Variants in IFNL1 observed in about 807,000 individuals in gnomAD.
IFNL1 encodes the protein interferon lambda-1.
A neutral mutation model predicts 17.1 loss-of-function variants in IFNL1; 16 were observed. The observed-to-expected ratio is 0.93, with a 90% CI of 0.63 to 1.42. The LOEUF (loss-of-function observed/expected upper bound fraction) is 1.42, where lower values mean the gene tolerates loss of function less well. IFNL1 is among the 40% of genes most tolerant of loss of function. IFNL1 has a pLI of 0.00. For missense variants in IFNL1, 262 were observed against 249.4 expected, an observed-to-expected ratio of 1.05 and a Z score of -0.34; for synonymous variants, 104 against 111.4, an observed-to-expected ratio of 0.93 and a Z score of 0.42.
At position 39,297,876 on chromosome 19, in the gene IFNL1, C is replaced by T. The variant is rs571122541; in HGVS notation, c.250-88C>T. 1.0e-4 allele frequency: 157 copies of T among 1,535,454 alleles called. 2 individuals carry two copies. Among genetic ancestry groups the T allele is most frequent in the South Asian group, 2.0e-4 (17 of 85,286 alleles). On this transcript the variant is annotated intron_variant, in intron 2 of 4. Coordinates refer to ENST00000333625, the MANE Select transcript of IFNL1 (RefSeq NM_172140.2). ...GTCCCCACCACATGCACTGTGTCAC[C>T]GACCTTCCCCAGGACTGCCTACCTG...
chr19:39,298,499 C>T lies in IFNL1; in HGVS notation c.586C>T (p.His196Tyr). ...GAACCTGTGTCTGAGAACGTCAACC[C>T]ACCCTGAGTCCACCTGACACCCCAC... ...DGNLCLRTSTHPEST is the reference protein window; with the variant it reads ...DGNLCLRTSTYPEST Residue 196 changes from histidine (H) to tyrosine (Y), a missense_variant, in exon 5 of 5, where the codon CAC becomes TAC. Coordinates refer to ENST00000333625, the MANE Select transcript of IFNL1 (RefSeq NM_172140.2). The T allele has an allele frequency of 6.2e-7, 1 of 1,614,234 alleles. No homozygotes were observed. The highest frequency in any genetic ancestry group is 2.2e-5 in the East Asian group (1 of 44,884).
rs766334865 is a variant in IFNL1, at chr19:39,298,121, G to T, written c.393+14G>T. The T allele has an allele frequency of 6.2e-7, 1 of 1,612,530 alleles. No individual in the cohort carries two copies. Among genetic ancestry groups the T allele is most frequent in the Non-Finnish European group, 8.5e-7 (1 of 1,178,952 alleles). On this transcript the variant is annotated intron_variant, in intron 3 of 4. Coordinates refer to ENST00000333625, the MANE Select transcript of IFNL1 (RefSeq NM_172140.2). ...CTCCAGGCCTGTGTGAGTCCTTGGG[G>T]CCCGGGCACCCAGGTCTGTGGGCTC...
At chr19:39,296,951 T>G in intron 2 of IFNL1, 69 bp downstream of exon 2, 1 of 1,162,618 alleles carries the variant, frequency 8.6e-7, no homozygotes, top group African/African-American at 1.5e-5. Flanking sequence ...AGTGGCCCCT[T>G]AGCCTTCTTT....
chr19:39,296,610 T>A lies in IFNL1; in HGVS notation c.171+18T>A. 3.1e-6 allele frequency: 5 copies of A among 1,603,340 alleles called. No homozygotes were observed. The highest frequency in any genetic ancestry group is 4.3e-6 in the Non-Finnish European group (5 of 1,174,818). On this transcript the variant is annotated intron_variant, in intron 1 of 4. Coordinates refer to ENST00000333625, the MANE Select transcript of IFNL1 (RefSeq NM_172140.2). ...ACGCCTTGGTGAGTTCCTGTTGCTG[T>A]GGATGAACCACTTCTACGGGTGTCC...
rs376573911 is a variant in IFNL1, at chr19:39,296,786, C to T, written c.172-19C>T. The stretch of plus-strand genomic sequence containing the variant: ...TCCAGCCATCCTGCTGTGGGCTAAC[C>T]CCTGCCCTTGCTCTCTAGGAAGAGT... On this transcript the variant is annotated intron_variant, in intron 1 of 4. Coordinates refer to ENST00000333625, the MANE Select transcript of IFNL1 (RefSeq NM_172140.2). 1.9e-6 allele frequency: 3 copies of T among 1,609,626 alleles called. No homozygotes were observed. The highest frequency in any genetic ancestry group is 2.2e-5 in the East Asian group (1 of 44,856).
In IFNL1 at chr19:39,296,610, T is replaced by G. The variant is rs373233011; in HGVS notation, c.171+18T>G. ...ACGCCTTGGTGAGTTCCTGTTGCTG[T>G]GGATGAACCACTTCTACGGGTGTCC... is the stretch of plus-strand genomic sequence containing the variant. On this transcript the variant is annotated intron_variant, in intron 1 of 4. Transcript: ENST00000333625. 747 of 1,603,220 alleles carry G rather than the reference T, an allele frequency of 4.7e-4. No individual in the cohort carries two copies. The highest frequency in any genetic ancestry group is 6.2e-4 in the Non-Finnish European group (726 of 1,174,824).
chr19:39,296,834 T>A lies in IFNL1; in HGVS notation c.201T>A (p.Ser67Arg). 6.2e-7 allele frequency: 1 copy of A among 1,613,718 alleles called. No homozygotes were observed. ...LEESLKLKNW[S>R]CSSPVFPGNW... ...AGTCACTCAAGCTGAAAAACTGGAG[T>A]TGCAGCTCTCCTGTCTTCCCCGGGA... Residue 67 changes from serine to arginine, a missense_variant, in exon 2 of 5, where the codon AGT (serine) becomes AGA (arginine). Coordinates refer to ENST00000333625, the MANE Select transcript of IFNL1 (RefSeq NM_172140.2).
rs762350713 is a variant in IFNL1 at position 39,296,587 on chromosome 19, G to A, written c.166G>A (p.Ala56Thr). ...ELASFKKARDALEESLKLKNW... is the reference protein window; with the variant it reads ...ELASFKKARDTLEESLKLKNW... ...AGCGAGCTTCAAGAAGGCCAGGGACGCCTTGGTGAGTTCCTGTTGCTGTGG... is the reference window on the plus strand; with the variant it reads ...AGCGAGCTTCAAGAAGGCCAGGGACACCTTGGTGAGTTCCTGTTGCTGTGG... Residue 56 changes from alanine (A) to threonine (T), a missense_variant, in exon 1 of 5, where the codon GCC becomes ACC. By Grantham distance (58) the Ala-to-Thr change is moderately conservative. Transcript: ENST00000333625. 44 of 1,609,092 alleles carry A rather than the reference G, an allele frequency of 2.7e-5. 1 individual carries two copies. In the Middle Eastern group the frequency reaches 5.0e-4, roughly 18 times the overall value.
chr19:39,296,967 C>T (rs2075101355), intron 2 of IFNL1, 85 bp downstream of exon 2: 1 of 998,294 alleles, frequency 1.0e-6, no homozygotes, highest in Non-Finnish European at 1.6e-6. Flanking sequence ...TCTTTGTTTC[C>T]CTTGTCCTTC....
At chr19:39,297,310 C>CTTTTTTTT (rs59725017) in intron 2 of IFNL1, among the ~76,000 whole-genome samples, 2 of 93,014 alleles carry the variant, frequency 2.2e-5, no homozygotes, top group African/African-American at 5.3e-5. Context: ...CCACCCTTCT[C>CTTTTTTTT]TTTTTTTTTT....
In IFNL1 at chr19:39,298,092, C is replaced by T; in HGVS notation, c.378C>T (p.Ser126=). 1 of 1,614,086 alleles carries T rather than the reference C, an allele frequency of 6.2e-7. No homozygotes were observed. Among genetic ancestry groups the T allele is most frequent in the Non-Finnish European group, 8.5e-7 (1 of 1,179,972 alleles). The change falls in exon 3 of 5, where the codon TCC becomes TCT. Residue 126 remains serine (S), a synonymous_variant. Transcript: ENST00000333625. The part of the protein sequence containing the change: ...QPLHTLHHIL[S]QLQACIQPQP... ...TTCACACCCTGCACCACATCCTCTC[C>T]CAGCTCCAGGCCTGTGTGAGTCCTT...
intron 2 of IFNL1, among the ~76,000 whole-genome samples, chr19:39,297,595 C>T (rs1283023403): frequency 6.6e-6 from 1 of 152,134 alleles, no homozygotes; most frequent in Non-Finnish European, 1.5e-5. Flanking sequence ...GCTGGGATTA[C>T]AGGCGTGAGC....
In IFNL1 at chr19:39,298,627, G is replaced by C. The variant is rs1170135377; in HGVS notation, c.*111G>C. 2.2e-5 allele frequency: 29 copies of C among 1,339,824 alleles called. No individual in the cohort carries two copies. The highest frequency in any genetic ancestry group is 2.9e-5 in the Non-Finnish European group (28 of 963,162). 83.0% of individuals were successfully genotyped at this position (1,339,824 alleles called of 1,614,324 possible). ...ACTGAGACATAGGGCTGAGTTTATT[G>C]TTTTACTTTTATACATTATGCACAA... On this transcript the variant is annotated 3_prime_UTR_variant, in exon 5 of 5. Transcript: ENST00000333625.
chr19:39,298,655 AAAC>A lies in IFNL1; in HGVS notation c.*145_*147del, dbSNP rs2075108488. On this transcript the variant is annotated 3_prime_UTR_variant, in exon 5 of 5. Transcript: ENST00000333625. ...TTACTTTTATACATTATGCACAAAT[AAAC>A]AACAAGGAATTGGAACCTTCTGTGA... The A allele has an allele frequency of 2.8e-6, 3 of 1,080,624 alleles. No individual in the cohort carries two copies. In the African/African-American group the frequency reaches 4.8e-5, roughly 17 times the overall value. 66.9% of individuals were successfully genotyped at this position (1,080,624 alleles called of 1,614,324 possible). A position where few individuals can be genotyped will look rare whatever the true frequency, so the allele number is the denominator to read the frequency against.
In IFNL1 at chr19:39,297,000, C is replaced by G. The variant is rs2075101468; in HGVS notation, c.249+118C>G. 9.9e-6 allele frequency: 7 copies of G among 706,918 alleles called. No individual in the cohort carries two copies. The Admixed American group carries it at 1.5e-4, about 16-fold the overall frequency. The allele number at this position is 706,918 out of a possible 1,614,324, so 43.8% of individuals were successfully genotyped here. A position where few individuals can be genotyped will look rare whatever the true frequency, so the allele number is the denominator to read the frequency against. On this transcript the variant is annotated intron_variant, in intron 2 of 4. Coordinates refer to ENST00000333625, the MANE Select transcript of IFNL1 (RefSeq NM_172140.2). ...TTCACTCTCTTGGACCTCTCCTCAC[C>G]TGTCCTGTGCCCCTGCCACTTCAAA...
chr19:39,297,380 A>G (rs368760134), intron 2 of IFNL1, among the ~76,000 whole-genome samples: 569 of 132,124 alleles, frequency 4.3e-3, no homozygotes, highest in African/African-American at 0.015. Flanking sequence ...GTGCAGTGGC[A>G]TGATCTCGGT....
At chr19:39,297,009 G>A in intron 2 of IFNL1, 127 bp downstream of exon 2, 1 of 670,598 alleles carries the variant, frequency 1.5e-6, no homozygotes, top group Non-Finnish European at 2.6e-6. Context: ...CCTGTCCTGT[G>A]CCCCTGCCAC....
rs2075107933 is a variant in IFNL1 at position 39,298,481 on chromosome 19, T to A, written c.568T>A (p.Cys190Ser). 1 of 1,614,066 alleles carries A rather than the reference T, an allele frequency of 6.2e-7. No individual in the cohort carries two copies. The highest frequency in any genetic ancestry group is 1.1e-5 in the South Asian group (1 of 91,088). Reference protein sequence around the residue: ...DLKYVADGNLCLRTSTHPEST With the variant: ...DLKYVADGNLSLRTSTHPEST Reference sequence around the variant, plus strand: ...CAAATATGTGGCCGATGGGAACCTGTGTCTGAGAACGTCAACCCACCCTGA... The same window carrying A: ...CAAATATGTGGCCGATGGGAACCTGAGTCTGAGAACGTCAACCCACCCTGA... The change falls in exon 5 of 5, where the codon TGT (cysteine) becomes AGT (serine). Residue 190 changes from cysteine to serine, a missense_variant. Physicochemically the swap from Cys to Ser is moderately radical, Grantham distance 112. Coordinates refer to ENST00000333625, the MANE Select transcript of IFNL1 (RefSeq NM_172140.2).
chr19:39,297,417 C>G (rs1363474169), intron 2 of IFNL1, among the ~76,000 whole-genome samples: 4 of 147,412 alleles, frequency 2.7e-5, no homozygotes, highest in Non-Finnish European at 3.0e-5. Flanking sequence ...CTCCCGGGTT[C>G]AAGCAATTAT....
Sources: allele counts gnomAD v4.1 joint callset (sites outside exome capture counted in the v4.1 genomes callset), GRCh38; gene constraint gnomAD v4.1.1; transcripts MANE v1.5; gene names NCBI Gene and HGNC (gene_info 2026-07-23, HGNC 2026-07-21).